NLRP5: variants seen among roughly 807,000 people sequenced by gnomAD.
NLRP5 encodes NLR family pyrin domain containing 5.
In NLRP5, 93 loss-of-function variants were observed where a neutral mutation model predicts 113.1. The observed-to-expected ratio is 0.82, with a 90% CI of 0.70 to 0.98. The LOEUF (loss-of-function observed/expected upper bound fraction) is 0.98. Among genes scored for constraint, NLRP5 ranks in the 50% least tolerant of loss-of-function variants. The pLI is 0.00. For missense variants in NLRP5, 1,808 were observed against 1,514.3 expected, an observed-to-expected ratio of 1.19 and a Z score of -3.22; for synonymous variants, 751 against 600.7, an observed-to-expected ratio of 1.25 and a Z score of -3.66.
At chr19:55,998,710 G>GTATATATATATATA (rs1555762445), upstream of NLRP5, among the ~76,000 whole-genome samples, 59 of 67,822 alleles carry the variant, frequency 8.7e-4, 5 homozygotes, top group African/African-American at 4.2e-3. Context: ...ATATGTGTGT[G>GTATATATATATATA]TGTGTATATA....
At chr19:55,992,352 G>C in the NLRP5 span, among the ~76,000 whole-genome samples, 4 of 152,206 alleles carry the variant, frequency 2.6e-5, no homozygotes, top group Admixed American at 1.3e-4. Context: ...ATCTTTATGG[G>C]AGAATGCTTT....
chr19:56,054,616 C>A (rs1271282873), intron 13 of NLRP5, among the ~76,000 whole-genome samples: 1 of 150,210 alleles, frequency 6.7e-6, no homozygotes, highest in Admixed American at 6.7e-5. Context: ...ATGGATGAGC[C>A]TTGAAAACGT....
At chr19:56,028,613 C>A (rs756392317) in intron 7 of NLRP5, 104 bp downstream of exon 7, 110 of 1,142,634 alleles carry the variant, frequency 9.6e-5, no homozygotes, top group Non-Finnish European at 1.2e-4. Flanking sequence ...CCAGAGAATT[C>A]TTTCAGGATG....
intron 11 of NLRP5, among the ~76,000 whole-genome samples, chr19:56,047,003 A>G (rs1309674809): frequency 6.6e-6 from 1 of 152,160 alleles, no homozygotes. Flanking sequence ...GAATTTATCC[A>G]TGTCTTCTAG....
rs187101103 is a variant in NLRP5, at chr19:56,027,554, C to T, written c.1321C>T (p.Leu441Phe). 551 of 1,614,012 alleles carry T rather than the reference C, an allele frequency of 3.4e-4. 1 individual carries two copies. Among genetic ancestry groups the T allele is most frequent in the African/African-American group, 1.9e-3 (140 of 75,072 alleles). Reference sequence around the variant, plus strand: ...CTCCGGGGAACAAAGAATCCACTTGCTCCTTGAGCGCGGGATTGGTGAGCA... The same window carrying T: ...CTCCGGGGAACAAAGAATCCACTTGTTCCTTGAGCGCGGGATTGGTGAGCA... Residue 441 changes from leucine (L) to phenylalanine (F), a missense_variant, in exon 7 of 15, where the codon CTC becomes TTC. By Grantham distance (22) the Leu-to-Phe change is conservative. Coordinates refer to ENST00000390649, the MANE Select transcript of NLRP5 (RefSeq NM_153447.4).
At chr19:56,000,529 T>G (rs1981604890) in intron 1 of NLRP5, among the ~76,000 whole-genome samples, 1 of 151,800 alleles carries the variant, frequency 6.6e-6, no homozygotes, top group African/African-American at 2.4e-5. Flanking sequence ...CACGCCCGGC[T>G]AATTTTTTGC....
At chr19:56,040,365 C>G (rs772254688) in intron 10 of NLRP5, among the ~76,000 whole-genome samples, 3 of 152,122 alleles carry the variant, frequency 2.0e-5, no homozygotes, top group African/African-American at 7.2e-5. Context: ...AGGCCAGCTT[C>G]GAGACCAGCC....
chr19:56,009,976 A>G (rs1480623898), intron 3 of NLRP5, among the ~76,000 whole-genome samples: 2 of 152,186 alleles, frequency 1.3e-5, no homozygotes, highest in Admixed American at 6.6e-5. Flanking sequence ...GTTATCCTTC[A>G]TGTGATAAGA....
chr19:56,053,858 G>T (rs769877158), intron 13 of NLRP5, 50 bp downstream of exon 13: 8 of 1,574,650 alleles, frequency 5.1e-6, no homozygotes, highest in Non-Finnish European at 7.0e-6. Context: ...GGAGGTGGGG[G>T]ACCCCAGCAT....
intron 11 of NLRP5, among the ~76,000 whole-genome samples, chr19:56,041,791 T>C (rs919886039): frequency 3.3e-5 from 5 of 151,886 alleles, no homozygotes; most frequent in African/African-American, 9.7e-5. Flanking sequence ...CTACTAAAAA[T>C]ACAAAAAATT....
intron 2 of NLRP5, among the ~76,000 whole-genome samples, chr19:56,005,110 ATATATATATAT>A (rs1981811316): frequency 5.8e-5 from 4 of 68,830 alleles, no homozygotes; most frequent in Admixed American, 1.6e-4. Context: ...AAAAAAAAAT[ATATATATATAT>A]ATATAATATA....
intron 6 of NLRP5, among the ~76,000 whole-genome samples, chr19:56,022,131 T>C (rs1475776089): frequency 6.6e-6 from 1 of 152,228 alleles, no homozygotes; most frequent in Non-Finnish European, 1.5e-5. Context: ...GTGACATTTT[T>C]AGAATAATTA....
intron 9 of NLRP5, among the ~76,000 whole-genome samples, chr19:56,037,685 C>T (rs1173546381): frequency 8.0e-6 from 1 of 124,438 alleles, no homozygotes; most frequent in Non-Finnish European, 1.6e-5. Context: ...AAGAGCAAGA[C>T]CCTGTCTCAA....
chr19:56,052,644 C>T (rs1398165766), intron 12 of NLRP5, among the ~76,000 whole-genome samples: 3 of 152,166 alleles, frequency 2.0e-5, no homozygotes, highest in African/African-American at 7.2e-5. Context: ...TCATCCTACC[C>T]TTAGCCTCCC....
chr19:56,038,066 T>G lies in NLRP5; in HGVS notation c.2657T>G (p.Ile886Ser). 1 of 1,613,888 alleles carries G rather than the reference T, an allele frequency of 6.2e-7. No homozygotes were observed. Among genetic ancestry groups the G allele is most frequent in the Non-Finnish European group, 8.5e-7 (1 of 1,179,874 alleles). Residue 886 changes from isoleucine to serine, a missense_variant, in exon 10 of 15, where the codon ATC becomes AGC. Coordinates refer to ENST00000390649, the MANE Select transcript of NLRP5 (RefSeq NM_153447.4). ...TTGACCCATGCCTGTTACCTGAAGA[T>G]CTCCCAAATCCTTACGACCTCCCCC...
chr19:56,037,447 T>C (rs1004109573), intron 9 of NLRP5, among the ~76,000 whole-genome samples: 3 of 152,032 alleles, frequency 2.0e-5, no homozygotes, highest in Non-Finnish European at 4.4e-5. Context: ...TGTAATCCAG[T>C]GCTTTGGGAG....
At chr19:55,990,326 T>C in the NLRP5 span, among the ~76,000 whole-genome samples, 1 of 151,878 alleles carries the variant, frequency 6.6e-6, no homozygotes, top group Non-Finnish European at 1.5e-5. Context: ...TGACCTCAGG[T>C]GATCCACCTG....
At chr19:56,052,347 C>A (rs1983963648) in intron 12 of NLRP5, among the ~76,000 whole-genome samples, 1 of 152,158 alleles carries the variant, frequency 6.6e-6, no homozygotes, top group South Asian at 2.1e-4. Context: ...CAGTTCCCTG[C>A]AACCTCCACC....
At chr19:56,039,462 A>C (rs1983437611) in intron 10 of NLRP5, among the ~76,000 whole-genome samples, 1 of 152,166 alleles carries the variant, frequency 6.6e-6, no homozygotes. Context: ...CCAGGCTCAG[A>C]GGGTGACATC....
Sources: gnomAD v4.1 joint callset for allele counts (sites outside exome capture counted in the v4.1 genomes callset) on GRCh38, gnomAD v4.1.1 for gene constraint, MANE v1.5 for transcripts, NCBI Gene and HGNC (gene_info 2026-07-23, HGNC 2026-07-21) for gene names.